LSM14A: variants seen among roughly 807,000 people sequenced by gnomAD.
The protein encoded by LSM14A is protein LSM14 homolog A.
Under a neutral mutation model 52.4 loss-of-function variants are expected in LSM14A, and 14 were observed. That is an observed-to-expected ratio of 0.27 (90% CI 0.18 to 0.42). The LOEUF is 0.42. Among genes scored for constraint, LSM14A ranks in the 10% least tolerant of loss-of-function variants. The pLI is 1.00. For missense variants in LSM14A, 417 were observed against 581.8 expected, an observed-to-expected ratio of 0.72 and a Z score of 2.91; for synonymous variants, 185 against 200.3, an observed-to-expected ratio of 0.92 and a Z score of 0.64.
At position 34,194,565 on chromosome 19, in the gene LSM14A, G is replaced by A; in HGVS notation, c.209G>A (p.Ser70Asn). 6.2e-7 allele frequency: 1 copy of A among 1,614,050 alleles called. No individual in the cohort carries two copies. The highest frequency in any genetic ancestry group is 8.5e-7 in the Non-Finnish European group (1 of 1,179,914). The change falls in exon 2 of 10, where the codon AGT becomes AAT. Residue 70 changes from serine (S) to asparagine (N), a missense_variant. This residue lies in a region of LSM14A where 60 missense variants were observed against 124.8 expected (regional missense o/e 0.48). Coordinates refer to ENST00000544216, the MANE Select transcript of LSM14A (RefSeq NM_015578.4). ...EVFEYIIFRGSDIKDLTVCEP... is the reference protein window; with the variant it reads ...EVFEYIIFRGNDIKDLTVCEP... ...TTTGAATACATTATATTCCGTGGGAGTGACATTAAAGACCTTACTGTTTGT... is the reference window on the plus strand; with the variant it reads ...TTTGAATACATTATATTCCGTGGGAATGACATTAAAGACCTTACTGTTTGT...
At chr19:34,226,729 T>A (rs893436005) in intron 9 of LSM14A, among the ~76,000 whole-genome samples, 1 of 152,206 alleles carries the variant, frequency 6.6e-6, no homozygotes, top group Admixed American at 6.5e-5. Context: ...AGCCCTTGGC[T>A]CCAGCCCTTT....
intron 2 of LSM14A, 21 bp downstream of exon 2, chr19:34,194,662 C>G: frequency 1.2e-6 from 2 of 1,613,206 alleles, no homozygotes; most frequent in East Asian, 4.5e-5. Context: ...GTAAATTTGT[C>G]TTGGAGTACA....
chr19:34,202,566 C>G lies in LSM14A; in HGVS notation c.415+5803C>G, dbSNP rs529188006. ...ATCTACACTGAGACACCATTTCTCA[C>G]TATCAGTTTGGCAAAAACTCAAAAG... On this transcript the variant is annotated intron_variant, in intron 3 of 9. Coordinates refer to ENST00000544216, the MANE Select transcript of LSM14A (RefSeq NM_015578.4). Among the ~76,000 whole-genome samples the G allele has an allele frequency of 9.9e-5, 15 of 152,014 alleles. No individual in the cohort carries two copies. The South Asian group carries it at 2.7e-3, about 27-fold the overall frequency.
Position 34,221,701 on chromosome 19 carries a change from G to A in LSM14A, c.1331G>A (p.Gly444Asp). The A allele has an allele frequency of 5.6e-6, 9 of 1,613,954 alleles. No individual in the cohort carries two copies. Among genetic ancestry groups the A allele is most frequent in the Non-Finnish European group, 7.6e-6 (9 of 1,179,856 alleles). Residue 444 changes from glycine to aspartate, a missense_variant, in exon 9 of 10, where the codon GGT (glycine) becomes GAT (aspartate). By Grantham distance (94) the Gly-to-Asp change is moderately conservative. Transcript: ENST00000544216. ...GGATTTCGCGGTGGATTCAGAGGAG[G>A]TCGTGGGGGCCGGGAGTTTGCGGAT... ...PRGFRGGFRG[G>D]RGGREFADFE...
At chr19:34,198,297 CAAAG>C (rs2071023410) in intron 3 of LSM14A, among the ~76,000 whole-genome samples, 1 of 131,414 alleles carries the variant, frequency 7.6e-6, no homozygotes, top group African/African-American at 2.9e-5. Flanking sequence ...CACAAAATAA[CAAAG>C]AATGGCAAAA....
At chr19:34,189,224 A>C (rs1198229186) in intron 1 of LSM14A, among the ~76,000 whole-genome samples, 1 of 152,204 alleles carries the variant, frequency 6.6e-6, no homozygotes, top group Non-Finnish European at 1.5e-5. Context: ...TAATAGTAGT[A>C]GTATGGCTTA....
chr19:34,202,112 T>C lies in LSM14A; in HGVS notation c.415+5349T>C, dbSNP rs555728842. ...GGAACCACCATGCCCACCCTTATTA[T>C]TGCTTTTTAGTAAGTTTTTTTTTTT... On this transcript the variant is annotated intron_variant, in intron 3 of 9. Transcript: ENST00000544216. 1.8e-3 allele frequency among the ~76,000 whole-genome samples: 269 copies of C among 151,162 alleles called. 1 individual carries two copies. Among genetic ancestry groups the C allele is most frequent in the Middle Eastern group, 0.01 (3 of 294 alleles).
At chr19:34,222,184 A>G (rs1403385139) in intron 9 of LSM14A, among the ~76,000 whole-genome samples, 1 of 152,248 alleles carries the variant, frequency 6.6e-6, no homozygotes, top group Non-Finnish European at 1.5e-5. Context: ...GTATAGAGAT[A>G]TTAAGTAACT....
At chr19:34,184,846 T>C (rs1371863999) in intron 1 of LSM14A, among the ~76,000 whole-genome samples, 1 of 152,166 alleles carries the variant, frequency 6.6e-6, no homozygotes, top group Non-Finnish European at 1.5e-5. Flanking sequence ...TTTGTTTTTG[T>C]TTTTCGTCAG....
intron 1 of LSM14A, among the ~76,000 whole-genome samples, chr19:34,187,288 T>C (rs565588562): frequency 6.6e-6 from 1 of 151,910 alleles, no homozygotes; most frequent in South Asian, 2.1e-4. Context: ...AAATTTTTTT[T>C]TTTTTCTTTT....
chr19:34,205,455 C>T (rs142597441), intron 3 of LSM14A, among the ~76,000 whole-genome samples: 2 of 129,434 alleles, frequency 1.5e-5, no homozygotes, highest in Non-Finnish European at 3.1e-5. Context: ...CATTGAACTC[C>T]AGCGTGGGCG....
rs1257369464 is a variant in LSM14A at position 34,217,588 on chromosome 19, A to T, written c.782-1803A>T. ...TATGTACTCTTCTCTACATTTATAT[A>T]TATATATATTTTTATATCCCCCCCC... On this transcript the variant is annotated intron_variant, in intron 6 of 9. Coordinates refer to ENST00000544216, the MANE Select transcript of LSM14A (RefSeq NM_015578.4). 3.5e-5 allele frequency among the ~76,000 whole-genome samples: 4 copies of T among 115,060 alleles called. No homozygotes were observed. The South Asian group carries it at 9.3e-4, about 27-fold the overall frequency. 75.5% of individuals were successfully genotyped at this position (115,060 alleles called of 152,430 possible).
At chr19:34,224,600 A>G (rs1263789637) in intron 9 of LSM14A, among the ~76,000 whole-genome samples, 3 of 152,158 alleles carry the variant, frequency 2.0e-5, no homozygotes, top group Non-Finnish European at 4.4e-5. Flanking sequence ...GGCATGGCCC[A>G]GTGTTTAGGA....
At chr19:34,186,350 T>A (rs1172775888) in intron 1 of LSM14A, among the ~76,000 whole-genome samples, 1 of 152,204 alleles carries the variant, frequency 6.6e-6, no homozygotes, top group Non-Finnish European at 1.5e-5. Flanking sequence ...TGTTTAAGTA[T>A]TTTTTGTATG....
At chr19:34,215,016 C>G (rs2072469654) in intron 4 of LSM14A, 108 bp from the exon 5 acceptor site, 3 of 772,834 alleles carry the variant, frequency 3.9e-6, no homozygotes, top group Non-Finnish European at 6.1e-6. Context: ...CAAATTTGTG[C>G]TAAGGGTTTG....
In LSM14A at chr19:34,227,408, A is replaced by C. The variant is rs376244868; in HGVS notation, c.*20A>C. The C allele has an allele frequency of 7.0e-5, 110 of 1,577,304 alleles. No individual in the cohort carries two copies. The highest frequency in any genetic ancestry group is 9.0e-5 in the Non-Finnish European group (105 of 1,163,058). ...GCATAGTCTACAAACAAGTCTCTGA[A>C]AATAGGTGAATTTCTAGCTCTTCAT... is the stretch of plus-strand genomic sequence containing the variant. On this transcript the variant is annotated 3_prime_UTR_variant, in exon 10 of 10. Coordinates refer to ENST00000544216, the MANE Select transcript of LSM14A (RefSeq NM_015578.4).
intron 1 of LSM14A, among the ~76,000 whole-genome samples, chr19:34,193,979 T>C (rs1259859285): frequency 6.6e-6 from 1 of 152,164 alleles, no homozygotes; most frequent in Non-Finnish European, 1.5e-5. Context: ...AAGACCAGCC[T>C]GTGCAAAATA....
At chr19:34,181,130 A>G (rs671159) in intron 1 of LSM14A, among the ~76,000 whole-genome samples, 53,209 of 151,990 alleles carry the variant, frequency 0.35, 9,761 homozygotes, top group African/African-American at 0.39. Context: ...ATTTCTGTCT[A>G]AGACCACCCT....
At chr19:34,198,332 A>G (rs1008396604) in intron 3 of LSM14A, among the ~76,000 whole-genome samples, 6 of 152,156 alleles carry the variant, frequency 3.9e-5, no homozygotes, top group African/African-American at 1.4e-4. Context: ...CTAAAACTGA[A>G]TGAGCTGGGC....
Sources: allele counts gnomAD v4.1 joint callset (sites outside exome capture counted in the v4.1 genomes callset), GRCh38; gene constraint gnomAD v4.1.1; regional missense constraint gnomAD v4.1.1; transcripts MANE v1.5; gene names NCBI Gene and HGNC (gene_info 2026-07-23, HGNC 2026-07-21).